Variants in ZNF76 observed in about 807,000 individuals in gnomAD.
ZNF76 encodes zinc finger protein 523.
In ZNF76, 66 loss-of-function variants were observed where a neutral mutation model predicts 66.9. The ratio of observed to expected loss-of-function variants is 0.99; its 90% CI spans 0.81 to 1.21. The LOEUF (loss-of-function observed/expected upper bound fraction) is 1.21. ZNF76 is among the 50% of genes most tolerant of loss of function. ZNF76 has a pLI of 0.00. For missense variants in ZNF76, 729 were observed against 760.3 expected, an observed-to-expected ratio of 0.96 and a Z score of 0.48; for synonymous variants, 275 against 296.1, an observed-to-expected ratio of 0.93 and a Z score of 0.73.
Position 35,291,556 on chromosome 6 carries a change from A to G in ZNF76, c.752-2A>G. On this transcript the variant is annotated splice_acceptor_variant, in intron 8 of 13. Coordinates refer to ENST00000373953, the MANE Select transcript of ZNF76 (RefSeq NM_003427.5). LOFTEE classifies it high-confidence loss of function. ...CCTCCTCACATCCCACCATTTGCAT[A>G]GGTGAACGCCCGTTCCAGTGCCCTT... 1.2e-6 allele frequency: 2 copies of G among 1,611,496 alleles called. No homozygotes were observed. The highest frequency in any genetic ancestry group is 1.7e-6 in the Non-Finnish European group (2 of 1,177,826).
Position 35,287,452 on chromosome 6 carries a change from T to C in ZNF76, c.233-194T>C, listed in dbSNP as rs887551050. On this transcript the variant is annotated intron_variant, in intron 4 of 13. Transcript: ENST00000373953. The surrounding 1 kb of genome is among the most constrained non-coding windows in gnomAD (Gnocchi z 4.0). ...TTGTGAGTTCCCATTTAGTGTACCA[T>C]AGGAGACCTCATCCTTAGGTGAGAC... Among the ~76,000 whole-genome samples the C allele has an allele frequency of 6.6e-5, 10 of 152,092 alleles. No homozygotes were observed. Among genetic ancestry groups the C allele is most frequent in the Admixed American group, 5.2e-4 (8 of 15,274 alleles).
At position 35,292,257 on chromosome 6, in the gene ZNF76, C is replaced by T; in HGVS notation, c.932-297C>T. 4.0e-6 allele frequency: 2 copies of T among 496,706 alleles called. No homozygotes were observed. Among genetic ancestry groups the T allele is most frequent in the Non-Finnish European group, 7.4e-6 (2 of 270,008 alleles). 30.8% of individuals were successfully genotyped at this position (496,706 alleles called of 1,614,324 possible). On this transcript the variant is annotated intron_variant, in intron 9 of 13. Coordinates refer to ENST00000373953, the MANE Select transcript of ZNF76 (RefSeq NM_003427.5). The surrounding 1 kb of genome is among the most constrained non-coding windows in gnomAD (Gnocchi z 4.7). ...GCCTCTGCTGTTCACCATTCTCAAC[C>T]TCCCACCCTCAACCTTATAAGCCCC...
intron 1 of ZNF76, among the ~76,000 whole-genome samples, chr6:35,280,369 A>G (rs1410134898): frequency 1.3e-5 from 2 of 152,174 alleles, no homozygotes; most frequent in Non-Finnish European, 2.9e-5. Flanking sequence ...CTAAAAAAGG[A>G]AAGAAAAGAA....
At chr6:35,286,633 A>C (rs780320353) in intron 4 of ZNF76, 33 of 590,254 alleles carry the variant, frequency 5.6e-5, no homozygotes, top group Non-Finnish European at 9.4e-5. Flanking sequence ...AGTGACGTGG[A>C]CTTTGATGGT....
intron 1 of ZNF76, among the ~76,000 whole-genome samples, 183 bp from the exon 2 acceptor site, chr6:35,280,873 C>T (rs1788680917): frequency 6.6e-6 from 1 of 152,170 alleles, no homozygotes; most frequent in Non-Finnish European, 1.5e-5. Context: ...CTATGCTTAA[C>T]TTTTAGAATT....
intron 11 of ZNF76, 47 bp downstream of exon 11, chr6:35,293,091 A>G (rs1562134967): frequency 6.3e-7 from 1 of 1,594,578 alleles, no homozygotes; most frequent in South Asian, 1.1e-5. Context: ...GGCACTCTCC[A>G]CTCTCTCTGG....
chr6:35,263,173 T>G (rs1262099021), intron 1 of ZNF76, among the ~76,000 whole-genome samples: 2 of 152,214 alleles, frequency 1.3e-5, no homozygotes, highest in Admixed American at 1.3e-4. Flanking sequence ...TACACTCTTC[T>G]CTGGGAACTT....
chr6:35,268,413 A>T (rs1786474378), intron 1 of ZNF76, among the ~76,000 whole-genome samples: 1 of 152,328 alleles, frequency 6.6e-6, no homozygotes. Flanking sequence ...GTCACCCACA[A>T]AATTAGTTTA....
At chr6:35,286,646 C>A in intron 4 of ZNF76, 1 of 581,854 alleles carries the variant, frequency 1.7e-6, no homozygotes, top group Non-Finnish European at 3.1e-6. Flanking sequence ...TTGATGGTGG[C>A]CTTGGCTCCA....
intron 2 of ZNF76, 104 bp downstream of exon 2, chr6:35,281,328 T>C (rs949029285): frequency 8.5e-6 from 9 of 1,057,596 alleles, no homozygotes. Context: ...CCCGCCTGCT[T>C]ACCCTTGCCC....
chr6:35,267,684 C>A (rs922910726), intron 1 of ZNF76, among the ~76,000 whole-genome samples: 5 of 152,208 alleles, frequency 3.3e-5, no homozygotes, highest in African/African-American at 9.6e-5. Context: ...AGACAACCCC[C>A]TGTTGTGGCT....
intron 1 of ZNF76, among the ~76,000 whole-genome samples, chr6:35,266,750 C>CTCTTCA (rs1786150340): frequency 6.6e-6 from 1 of 150,798 alleles, no homozygotes; most frequent in Non-Finnish European, 1.5e-5. Flanking sequence ...AGGCCTCTGT[C>CTCTTCA]TCTTCATCTG....
rs186332008 is a variant in ZNF76, at chr6:35,287,093, G to A, written c.233-553G>A. Among the ~76,000 whole-genome samples the A allele has an allele frequency of 2.7e-3, 411 of 152,270 alleles. 3 individuals carry two copies. The highest frequency in any genetic ancestry group is 9.0e-3 in the African/African-American group (375 of 41,544). Reference sequence around the variant, plus strand: ...TGTGCAGGCCTAGAGCTGGGGGGAAGAAAGAACAGCACATTCCAGGAACTG... The same window carrying A: ...TGTGCAGGCCTAGAGCTGGGGGGAAAAAAGAACAGCACATTCCAGGAACTG... On this transcript the variant is annotated intron_variant, in intron 4 of 13. Coordinates refer to ENST00000373953, the MANE Select transcript of ZNF76 (RefSeq NM_003427.5). The surrounding 1 kb of genome is among the most constrained non-coding windows in gnomAD (Gnocchi z 4.0).
intron 5 of ZNF76, chr6:35,288,152 G>T (rs1289344483): frequency 1.7e-6 from 1 of 577,392 alleles, no homozygotes; most frequent in Admixed American, 2.2e-5. Context: ...TTATGCTGAG[G>T]AGTTAGGCCC....
chr6:35,266,159 A>ATTT (rs35775558), intron 1 of ZNF76, among the ~76,000 whole-genome samples: 36 of 148,274 alleles, frequency 2.4e-4, no homozygotes, highest in East Asian at 1.4e-3. Flanking sequence ...GGTGGCTACA[A>ATTT]TTTTTTTTTT....
At chr6:35,267,021 T>A (rs113021585) in intron 1 of ZNF76, among the ~76,000 whole-genome samples, 7 of 151,978 alleles carry the variant, frequency 4.6e-5, no homozygotes, top group South Asian at 2.1e-4. Context: ...GGATGGTCTC[T>A]ATCTCCTGAC....
At chr6:35,286,867 C>T (rs951723153) in intron 4 of ZNF76, 7 of 198,848 alleles carry the variant, frequency 3.5e-5, no homozygotes, top group Admixed American at 2.6e-4. Flanking sequence ...ACACAGTCCC[C>T]GCTCTCCTAG....
At chr6:35,283,637 T>C (rs770701491) in intron 2 of ZNF76, among the ~76,000 whole-genome samples, 2 of 152,176 alleles carry the variant, frequency 1.3e-5, no homozygotes, top group Non-Finnish European at 2.9e-5. Context: ...TTTGAGGAAA[T>C]AGTAGGCTAA....
chr6:35,261,155 A>G (rs1042755187), intron 1 of ZNF76, among the ~76,000 whole-genome samples: 2 of 152,190 alleles, frequency 1.3e-5, no homozygotes, highest in Admixed American at 6.5e-5. Context: ...GCCTGACATA[A>G]CATATGTAAA....
Sources: gnomAD v4.1 joint callset for allele counts (sites outside exome capture counted in the v4.1 genomes callset) on GRCh38, gnomAD v4.1.1 for gene constraint, Gnocchi (gnomAD v3.1) non-coding constraint, MANE v1.5 for transcripts, NCBI Gene and HGNC (gene_info 2026-07-23, HGNC 2026-07-21) for gene names.